The following TFEC variants were observed in gnomAD, a reference collection of about 807,000 sequenced individuals.
TFEC encodes transcription factor EC.
TFEC carries 31 observed loss-of-function variants against 41.6 expected under a neutral mutation model. That is an observed-to-expected ratio of 0.74 (90% confidence interval 0.56 to 1.01). The LOEUF (loss-of-function observed/expected upper bound fraction) is 1.01. TFEC is among the 50% of genes least tolerant of loss of function. The probability of loss-of-function intolerance (pLI) is 0.00; values close to 1 mark genes in which losing one functional copy is unlikely to be tolerated. For missense variants in TFEC, 402 were observed against 404.1 expected, an observed-to-expected ratio of 0.99 and a Z score of 0.04; for synonymous variants, 143 against 140.6, an observed-to-expected ratio of 1.02 and a Z score of -0.12.
chr7:116,061,760 C>T (rs1324354385), intron 3 of TFEC, among the ~76,000 whole-genome samples: 1 of 152,038 alleles, frequency 6.6e-6, no homozygotes, highest in Non-Finnish European at 1.5e-5. Context: ...TTAATACAAA[C>T]AGCCCAATAA....
At chr7:115,940,955 T>G (rs756534697) in intron 7 of TFEC, 24 bp from the exon 8 acceptor site, 4 of 1,539,382 alleles carry the variant, frequency 2.6e-6, no homozygotes, top group Non-Finnish European at 3.5e-6. Flanking sequence ...CGAAAATCAT[T>G]AAATAATGTC....
intron 1 of TFEC, among the ~76,000 whole-genome samples, chr7:116,016,521 C>T (rs558885887): frequency 3.3e-5 from 5 of 152,208 alleles, no homozygotes; most frequent in African/African-American, 1.2e-4. Context: ...ACAGGTACAG[C>T]ACTAAGCACC....
chr7:116,048,534 G>C (rs1238277399), intron 3 of TFEC, among the ~76,000 whole-genome samples: 1 of 152,160 alleles, frequency 6.6e-6, no homozygotes, highest in Non-Finnish European at 1.5e-5. Context: ...CAGGGAGAAT[G>C]GAACCAAGTT....
chr7:115,958,149 T>C (rs1792333611), intron 3 of TFEC, among the ~76,000 whole-genome samples: 1 of 151,898 alleles, frequency 6.6e-6, no homozygotes, highest in South Asian at 2.1e-4. Flanking sequence ...AAGGGAGCTA[T>C]AAAAGCCACC....
intron 6 of TFEC, among the ~76,000 whole-genome samples, chr7:115,949,892 C>T (rs1287914426): frequency 8.5e-5 from 13 of 152,096 alleles, no homozygotes; most frequent in Admixed American, 8.5e-4. Flanking sequence ...GCAAAGGAAA[C>T]TACCATCAGA....
At chr7:115,985,620 G>T (rs1016768041) in intron 1 of TFEC, among the ~76,000 whole-genome samples, 3 of 151,858 alleles carry the variant, frequency 2.0e-5, no homozygotes, top group Non-Finnish European at 4.4e-5. Context: ...GCTGGTTTGG[G>T]GTACAATATT....
intron 3 of TFEC, among the ~76,000 whole-genome samples, chr7:116,107,593 G>A (rs1466173173): frequency 6.6e-6 from 1 of 152,140 alleles, no homozygotes; most frequent in African/African-American, 2.4e-5. Flanking sequence ...TTGAAGTTCT[G>A]GCTCTAGTCA....
intron 1 of TFEC, among the ~76,000 whole-genome samples, chr7:116,155,327 A>T (rs1798847539): frequency 6.6e-6 from 1 of 152,226 alleles, no homozygotes; most frequent in Non-Finnish European, 1.5e-5. Flanking sequence ...CAGCCACATG[A>T]TCAAACATCA....
intron 3 of TFEC, among the ~76,000 whole-genome samples, chr7:115,959,722 A>T (rs544708306): frequency 6.6e-6 from 1 of 151,852 alleles, no homozygotes; most frequent in African/African-American, 2.4e-5. Context: ...GAATGGAAAA[A>T]TAACATAATG....
intron 3 of TFEC, among the ~76,000 whole-genome samples, chr7:116,072,030 C>T (rs1222941795): frequency 6.6e-6 from 1 of 151,342 alleles, no homozygotes; most frequent in Admixed American, 6.6e-5. Context: ...CCCATTCTGG[C>T]TTCATTGAAA....
At chr7:116,137,998 T>G (rs1470642318) in intron 1 of TFEC, among the ~76,000 whole-genome samples, 3 of 152,148 alleles carry the variant, frequency 2.0e-5, no homozygotes, top group Non-Finnish European at 4.4e-5. Context: ...GTCATTTGTT[T>G]AACCATGCAC....
At chr7:116,107,467 G>T (rs1173304038) in intron 3 of TFEC, among the ~76,000 whole-genome samples, 3 of 152,186 alleles carry the variant, frequency 2.0e-5, no homozygotes, top group Non-Finnish European at 2.9e-5. Context: ...AAGCTGTGAA[G>T]ATGTGAGCCT....
intron 1 of TFEC, among the ~76,000 whole-genome samples, chr7:116,125,468 C>T (rs934528135): frequency 1.3e-5 from 2 of 152,036 alleles, no homozygotes; most frequent in African/African-American, 2.4e-5. Context: ...TAAGAATCAT[C>T]GAAATTTTTG....
chr7:116,014,709 G>T (rs1259720436), intron 1 of TFEC, among the ~76,000 whole-genome samples: 3 of 152,178 alleles, frequency 2.0e-5, no homozygotes, highest in Middle Eastern at 3.4e-3. Flanking sequence ...TTATTAAGTT[G>T]CAGACCTTGA....
At chr7:116,129,549 T>C (rs895145591) in intron 1 of TFEC, among the ~76,000 whole-genome samples, 7 of 151,600 alleles carry the variant, frequency 4.6e-5, no homozygotes, top group Non-Finnish European at 8.8e-5. Flanking sequence ...CCTTGCATGG[T>C]GTTTTTCTTG....
intron 1 of TFEC, among the ~76,000 whole-genome samples, chr7:116,143,532 T>C (rs916757890): frequency 6.6e-6 from 1 of 152,208 alleles, no homozygotes; most frequent in African/African-American, 2.4e-5. Context: ...CAGCTGGAAG[T>C]AGACAGAGAA....
At chr7:116,056,980 T>C (rs1405666322) in intron 3 of TFEC, among the ~76,000 whole-genome samples, 3 of 152,154 alleles carry the variant, frequency 2.0e-5, no homozygotes, top group African/African-American at 4.8e-5. Flanking sequence ...TAAACAAGAC[T>C]CAAATTGAAC....
rs1360639179 is a variant in TFEC at position 115,968,426 on chromosome 7, G to T, written c.267+5744C>A. On this transcript the variant is annotated intron_variant, in intron 3 of 7. Coordinates refer to ENST00000265440, the MANE Select transcript of TFEC (RefSeq NM_012252.4). ...TTCAAGTTCCAACCAAGCACAGGGGGTTGTTAATATTTACTCATTCCTCGT... is the reference window on the plus strand; with the variant it reads ...TTCAAGTTCCAACCAAGCACAGGGGTTTGTTAATATTTACTCATTCCTCGT... 14 of 775,438 alleles carry T rather than the reference G, an allele frequency of 1.8e-5. No homozygotes were observed. In the African/African-American group the frequency reaches 2.1e-4, roughly 12 times the overall value. 48.0% of individuals were successfully genotyped at this position (775,438 alleles called of 1,614,324 possible).
intron 2 of TFEC, among the ~76,000 whole-genome samples, chr7:115,975,141 A>C (rs1793323910): frequency 6.6e-6 from 1 of 152,070 alleles, no homozygotes; most frequent in African/African-American, 2.4e-5. Flanking sequence ...TTCTTTTCTA[A>C]AATAGAAACT....
Sources: gnomAD v4.1 joint callset for allele counts (sites outside exome capture counted in the v4.1 genomes callset) on GRCh38, gnomAD v4.1.1 for gene constraint, MANE v1.5 for transcripts, NCBI Gene and HGNC (gene_info 2026-07-23, HGNC 2026-07-21) for gene names.